Variants in CHN2 observed in about 807,000 individuals in gnomAD.
CHN2 encodes the protein chimerin 2, also known as beta-chimaerin.
Under a neutral mutation model 56.3 loss-of-function variants are expected in CHN2, and 35 were observed. The ratio of observed to expected loss-of-function variants is 0.62; its 90% CI spans 0.47 to 0.82. The LOEUF is 0.82. Among genes scored for constraint, CHN2 ranks in the 40% least tolerant of loss-of-function variants. CHN2 has a pLI of 0.00. For synonymous variants in CHN2, 210 were observed against 212.8 expected (o/e 0.99, Z 0.12); for missense variants, 491 against 580.5 (o/e 0.85, Z 1.58).
chr7:29,477,555 C>T (rs929548386), intron 6 of CHN2, among the ~76,000 whole-genome samples: 2 of 152,228 alleles, frequency 1.3e-5, no homozygotes, highest in Non-Finnish European at 2.9e-5. Flanking sequence ...AGGTCTCTCT[C>T]GCTTTGCTAG....
intron 2 of CHN2, among the ~76,000 whole-genome samples, chr7:29,168,737 A>G (rs1023262972): frequency 6.6e-6 from 1 of 152,244 alleles, no homozygotes; most frequent in Non-Finnish European, 1.5e-5. Context: ...AAACACACTT[A>G]AAAACTATTT....
chr7:29,396,459 C>CAA (rs35163855), intron 4 of CHN2, among the ~76,000 whole-genome samples: 3,749 of 56,630 alleles, frequency 0.066, 184 homozygotes, highest in Middle Eastern at 0.12. Flanking sequence ...AGACTCTCTC[C>CAA]AAAAAAAAAA....
intron 1 of CHN2, among the ~76,000 whole-genome samples, chr7:29,281,947 G>A (rs1791752945): frequency 6.6e-6 from 1 of 152,156 alleles, no homozygotes; most frequent in South Asian, 2.1e-4. Context: ...CTCGGCACTG[G>A]GTGGTGGGAA....
At chr7:29,420,832 T>TG (rs1804262569) in intron 6 of CHN2, among the ~76,000 whole-genome samples, 1 of 149,942 alleles carries the variant, frequency 6.7e-6, no homozygotes, top group African/African-American at 2.5e-5. Flanking sequence ...TTTTTTGAGA[T>TG]GGAGTTTTGC....
intron 6 of CHN2, among the ~76,000 whole-genome samples, chr7:29,468,135 G>T (rs961410241): frequency 1.4e-5 from 1 of 72,094 alleles, no homozygotes; most frequent in Admixed American, 1.2e-4. Flanking sequence ...AAACCAAACG[G>T]ACCCGCCCCC....
intron 1 of CHN2, among the ~76,000 whole-genome samples, chr7:29,296,270 A>G (rs1793152644): frequency 6.6e-6 from 1 of 151,888 alleles, no homozygotes; most frequent in South Asian, 2.1e-4. Context: ...TTTTTAGTAG[A>G]GATGGGGTTT....
intron 3 of CHN2, among the ~76,000 whole-genome samples, chr7:29,374,634 G>T (rs1799885009): frequency 6.6e-6 from 1 of 152,128 alleles, no homozygotes; most frequent in Middle Eastern, 3.2e-3. Context: ...AAGGGGAGCA[G>T]GTGAGGTGAG....
At chr7:29,262,522 G>T (rs547680062) in intron 1 of CHN2, among the ~76,000 whole-genome samples, 3 of 152,204 alleles carry the variant, frequency 2.0e-5, no homozygotes, top group Non-Finnish European at 4.4e-5. Flanking sequence ...TCAGTAGAGA[G>T]AATAGATTAA....
chr7:29,302,436 A>G (rs1483856318), intron 1 of CHN2, among the ~76,000 whole-genome samples: 3 of 149,024 alleles, frequency 2.0e-5, no homozygotes, highest in African/African-American at 7.5e-5. Context: ...CGATCCTCCC[A>G]CATCAGCCTC....
Position 29,244,140 on chromosome 7 carries a change from CATT to C in CHN2, c.49+49153_49+49155del, listed in dbSNP as rs58060420. On this transcript the variant is annotated intron_variant, in intron 1 of 12. Transcript: ENST00000222792. ...CACACCCACTTTCCCCTTTCCTCAT[CATT>C]ATCTTAAGTGATGTGTTTACTTATT... 2.6e-5 allele frequency among the ~76,000 whole-genome samples: 4 copies of C among 152,280 alleles called. No individual in the cohort carries two copies. The East Asian group carries it at 5.8e-4, about 22-fold the overall frequency.
At chr7:29,353,311 C>G (rs1798025400) in intron 1 of CHN2, among the ~76,000 whole-genome samples, 1 of 152,198 alleles carries the variant, frequency 6.6e-6, no homozygotes. Flanking sequence ...ATATTTGTTT[C>G]TCAGGTGGAA....
At chr7:29,416,625 G>A (rs763148847) in intron 6 of CHN2, among the ~76,000 whole-genome samples, 1 of 152,176 alleles carries the variant, frequency 6.6e-6, no homozygotes, top group Non-Finnish European at 1.5e-5. Context: ...GGAGACAGCC[G>A]ATGTTGCTGG....
rs539380810 is a variant in CHN2 at position 29,233,621 on chromosome 7, G to C, written c.49+38631G>C. Among the ~76,000 whole-genome samples, 9 of 152,088 alleles carry C rather than the reference G, an allele frequency of 5.9e-5. No individual in the cohort carries two copies. In the South Asian group the frequency reaches 1.5e-3, roughly 25 times the overall value. On this transcript the variant is annotated intron_variant, in intron 1 of 12. Transcript: ENST00000222792. ...CCTGTGGGTCTGATGTATTCACAAGGGTCCTTTAAATGTGAAAGAGGGAGA... is the reference window on the plus strand; with the variant it reads ...CCTGTGGGTCTGATGTATTCACAAGCGTCCTTTAAATGTGAAAGAGGGAGA...
intron 7 of CHN2, among the ~76,000 whole-genome samples, chr7:29,482,318 G>A (rs1407097180): frequency 2.0e-5 from 3 of 152,180 alleles, no homozygotes; most frequent in Admixed American, 6.5e-5. Flanking sequence ...TGTGGCATTC[G>A]ATGGTACTGT....
chr7:29,476,523 C>T (rs60317385), intron 6 of CHN2, among the ~76,000 whole-genome samples: 2,164 of 139,942 alleles, frequency 0.015, 57 homozygotes, highest in African/African-American at 0.053. Context: ...GATGACAGAG[C>T]GAGAGTCCGT....
chr7:29,305,669 A>G (rs1794083055), intron 1 of CHN2, among the ~76,000 whole-genome samples: 1 of 152,192 alleles, frequency 6.6e-6, no homozygotes, highest in African/African-American at 2.4e-5. Context: ...TTACTTGTGT[A>G]GAAAGCCACA....
chr7:29,459,692 C>A lies in CHN2; in HGVS notation c.577-20587C>A, dbSNP rs113851862. Among the ~76,000 whole-genome samples the A allele has an allele frequency of 1.1e-3, 161 of 152,314 alleles. 2 individuals are homozygous for A. Among genetic ancestry groups the A allele is most frequent in the African/African-American group, 3.7e-3 (152 of 41,566 alleles). On this transcript the variant is annotated intron_variant, in intron 6 of 12. Coordinates refer to ENST00000222792, the MANE Select transcript of CHN2 (RefSeq NM_004067.4). ...GCCTCTGTTACGACAGCCACCTTCA[C>A]CGCAGGCCAGGTGTGACATCAGCCT...
chr7:29,222,195 C>T (rs906031632), intron 1 of CHN2, among the ~76,000 whole-genome samples: 6 of 152,082 alleles, frequency 3.9e-5, no homozygotes, highest in African/African-American at 1.4e-4. Flanking sequence ...CAAACCACTG[C>T]TCAAGGAAAT....
At chr7:29,294,687 CTGTACAGGTAGAAA>C (rs1792977151) in intron 1 of CHN2, among the ~76,000 whole-genome samples, 1 of 152,218 alleles carries the variant, frequency 6.6e-6, no homozygotes, top group South Asian at 2.1e-4. Context: ...TTGAGGCCTA[CTGTACAGGTAGAAA>C]TGTCACAGGT....
Sources: allele counts gnomAD v4.1 joint callset (sites outside exome capture counted in the v4.1 genomes callset), GRCh38; gene constraint gnomAD v4.1.1; transcripts MANE v1.5; gene names NCBI Gene and HGNC (gene_info 2026-07-23, HGNC 2026-07-21).